The following MAP4K2 variants were observed in gnomAD, a reference collection of about 807,000 sequenced individuals.
MAP4K2 encodes B lymphocyte serine/threonine protein kinase.
In MAP4K2, 85 loss-of-function variants were observed where a neutral mutation model predicts 125.3. The ratio of observed to expected loss-of-function variants is 0.68; its 90% CI spans 0.57 to 0.81. MAP4K2 has a LOEUF of 0.81. Among genes scored for constraint, MAP4K2 ranks in the 40% least tolerant of loss-of-function variants. The pLI, the probability that MAP4K2 is intolerant of heterozygous loss-of-function variation, is 0.00. For missense variants in MAP4K2, 923 were observed against 1,056.4 expected (o/e 0.87, Z 1.75); for synonymous variants, 479 against 445.1 (o/e 1.08, Z -0.96).
chr11:64,802,976 C>T (rs1429794290), intron 1 of MAP4K2, 34 bp from the exon 2 acceptor site: 6 of 1,401,874 alleles, frequency 4.3e-6, no homozygotes, highest in African/African-American at 1.4e-5. Flanking sequence ...GGATGGGGGG[C>T]GGGGCCGGGG....
At chr11:64,797,438 C>G in intron 17 of MAP4K2, 58 bp from the exon 18 acceptor site, 1 of 1,557,110 alleles carries the variant, frequency 6.4e-7, no homozygotes, top group East Asian at 2.4e-5. Context: ...TAACCACATC[C>G]CACTCCAATC....
intron 24 of MAP4K2, among the ~76,000 whole-genome samples, chr11:64,795,424 A>G (rs527565922): frequency 2.3e-4 from 33 of 140,774 alleles, no homozygotes; most frequent in South Asian, 4.6e-4. Flanking sequence ...CTTTTTTGAG[A>G]CAGACTCTTG....
chr11:64,802,232 C>G (rs1224417658), intron 4 of MAP4K2, 111 bp from the exon 5 acceptor site: 2 of 1,130,252 alleles, frequency 1.8e-6, no homozygotes, highest in Non-Finnish European at 2.6e-6. Context: ...GCGGTGTTGG[C>G]CACGTCCCCT....
chr11:64,796,664 C>T lies in MAP4K2; in HGVS notation c.1542G>A (p.Leu514=), dbSNP rs142364018. Residue 514 remains leucine, a synonymous_variant, in exon 22 of 32, where the codon CTG becomes CTA. Coordinates refer to ENST00000294066, the MANE Select transcript of MAP4K2 (RefSeq NM_004579.5). ...CCAGCGTATCCTCATGCAGTTCATG[C>T]AGGTTGAGTGTGTAGATGCCTTCCT... ...GAEEGIYTLN[L]HELHEDTLEK... 5 of 1,613,994 alleles carry T rather than the reference C, an allele frequency of 3.1e-6. No homozygotes were observed. Among genetic ancestry groups the T allele is most frequent in the Admixed American group, 1.7e-5 (1 of 60,014 alleles).
intron 10 of MAP4K2, 127 bp from the exon 11 acceptor site, chr11:64,800,519 C>A: frequency 8.5e-7 from 1 of 1,174,806 alleles, no homozygotes; most frequent in South Asian, 1.4e-5. Context: ...CAGCCGAGGC[C>A]AAGGGCCACT....
At chr11:64,790,528 G>A in intron 27 of MAP4K2, 66 bp from the exon 28 acceptor site, 1 of 1,485,074 alleles carries the variant, frequency 6.7e-7, no homozygotes, top group Admixed American at 1.7e-5. Context: ...AGAGGATACG[G>A]GGGCCAGGCT....
rs1204084431 is a variant in MAP4K2 at position 64,802,602 on chromosome 11, C to G, written c.206G>C (p.Arg69Pro). The G allele has an allele frequency of 1.9e-6, 3 of 1,611,904 alleles. No homozygotes were observed. The South Asian group carries it at 3.3e-5, about 18-fold the overall frequency. ...AATGTAGGCCACCACATTGGGGTGG[C>G]GGCACTCACGCAGGATGGTGATTTC... ...QQEITILRECRHPNVVAYIGS... is the reference protein window; with the variant it reads ...QQEITILRECPHPNVVAYIGS... Residue 69 changes from arginine to proline, a missense_variant, in exon 3 of 32, where the codon CGC becomes CCC. By Grantham distance (103) the Arg-to-Pro change is moderately radical (BLOSUM62 -2). Transcript: ENST00000294066.
rs1393961879 is a variant in MAP4K2, at chr11:64,796,668, T to C, written c.1538A>G (p.Asn513Ser). 1.2e-6 allele frequency: 2 copies of C among 1,614,076 alleles called. No individual in the cohort carries two copies. The highest frequency in any genetic ancestry group is 2.2e-5 in the East Asian group (1 of 44,888). Residue 513 changes from asparagine (N) to serine (S), a missense_variant, in exon 22 of 32, where the codon AAC becomes AGC. By Grantham distance (46) the Asn-to-Ser change is conservative. This residue lies in a region of MAP4K2 where 833 missense variants were observed against 911.4 expected (regional missense o/e 0.91). Transcript: ENST00000294066. ...CGTATCCTCATGCAGTTCATGCAGG[T>C]TGAGTGTGTAGATGCCTTCCTCGGC... Reference protein sequence around the residue: ...VGAEEGIYTLNLHELHEDTLE... With the variant: ...VGAEEGIYTLSLHELHEDTLE...
intron 12 of MAP4K2, 103 bp from the exon 13 acceptor site, chr11:64,799,786 C>A (rs1197480283): frequency 2.3e-6 from 2 of 852,434 alleles, no homozygotes; most frequent in Non-Finnish European, 3.8e-6. Context: ...TTCATGACAG[C>A]CCTCTGGGAC....
At position 64,799,340 on chromosome 11, in the gene MAP4K2, T is replaced by C. The variant is rs1252577240; in HGVS notation, c.1053+81A>G. On this transcript the variant is annotated intron_variant, in intron 14 of 31. Transcript: ENST00000294066. ...AGGCCACCCAGCTTCAAATCTCCCT[T>C]GATTTGAGCTGCTCGGCCTCCATCC... is the stretch of plus-strand genomic sequence containing the variant. The C allele has an allele frequency of 3.3e-6, 5 of 1,532,608 alleles. No homozygotes were observed. The East Asian group carries it at 6.7e-5, about 21-fold the overall frequency. The allele number at this position is 1,532,608 out of a possible 1,614,324, so 94.9% of individuals were successfully genotyped here. A position where few individuals can be genotyped will look rare whatever the true frequency, so the allele number is the denominator to read the frequency against.
rs767886411 is a variant in MAP4K2 at position 64,797,452 on chromosome 11, C to T, written c.1170+49G>A. ...GTAACCACATCCCACTCCAATCGTA[C>T]CCTCTGCAGTGGCCTGGATCCCAGC... is the stretch of plus-strand genomic sequence containing the variant. On this transcript the variant is annotated intron_variant, in intron 17 of 31. Coordinates refer to ENST00000294066, the MANE Select transcript of MAP4K2 (RefSeq NM_004579.5). 14 of 1,557,772 alleles carry T rather than the reference C, an allele frequency of 9.0e-6. No homozygotes were observed. The South Asian group carries it at 1.7e-4, about 18-fold the overall frequency.
At position 64,786,263 on chromosome 11, in the gene MAP4K2, C is replaced by T. The variant is rs1036114683; in HGVS notation, c.*3274G>A. The T allele has an allele frequency of 1.3e-5, 2 of 152,166 alleles. No homozygotes were observed. Among genetic ancestry groups the T allele is most frequent in the African/African-American group, 4.8e-5 (2 of 41,446 alleles). The allele number at this position is 152,166 out of a possible 1,614,324, so 9.4% of individuals were successfully genotyped here. On this transcript the variant is annotated 3_prime_UTR_variant, in exon 32 of 32. Transcript: ENST00000294066. ...CTATGTTATTGCATTATGTCTGTTA[C>T]AGTATTTCTGATCCTCCTGACAGCC...
At chr11:64,799,747 G>A (rs1188356883) in intron 12 of MAP4K2, 64 bp from the exon 13 acceptor site, 6 of 1,360,602 alleles carry the variant, frequency 4.4e-6, no homozygotes, top group Non-Finnish European at 6.3e-6. Context: ...GCTGCTCTAG[G>A]AGCTTCACAC....
intron 10 of MAP4K2, 23 bp downstream of exon 10, chr11:64,800,741 C>T (rs753971784): frequency 9.5e-6 from 15 of 1,586,476 alleles, no homozygotes; most frequent in Non-Finnish European, 1.2e-5. Flanking sequence ...AAGGGGGTCC[C>T]GGCAGCAGGG....
In MAP4K2 at chr11:64,797,340, C is replaced by T. The variant is rs370675343; in HGVS notation, c.1211G>A (p.Arg404Gln). ...SPDDTMGTIKRAPFLGPLPTD... is the reference protein window; with the variant it reads ...SPDDTMGTIKQAPFLGPLPTD... The stretch of plus-strand genomic sequence containing the variant: ...GGGGAGTGGCCCTAGGAACGGGGCC[C>T]GCTTGATGGTTCCCATGGTATCGTC... Residue 404 changes from arginine to glutamine, a missense_variant, in exon 18 of 32, where the codon CGG becomes CAG. This residue lies in a region of MAP4K2 where 833 missense variants were observed against 911.4 expected (regional missense o/e 0.91). Transcript: ENST00000294066. 24 of 1,599,100 alleles carry T rather than the reference C, an allele frequency of 1.5e-5. No individual in the cohort carries two copies. Among genetic ancestry groups the T allele is most frequent in the Middle Eastern group, 1.6e-4 (1 of 6,066 alleles).
chr11:64,790,103 T>A, intron 29 of MAP4K2, 85 bp downstream of exon 29: 1 of 1,555,224 alleles, frequency 6.4e-7, no homozygotes, highest in Non-Finnish European at 8.8e-7. Flanking sequence ...ATCTGCCTCC[T>A]CATCCTACCG....
At chr11:64,794,688 C>T (rs1490435274) in intron 24 of MAP4K2, among the ~76,000 whole-genome samples, 3 of 152,096 alleles carry the variant, frequency 2.0e-5, no homozygotes, top group East Asian at 1.9e-4. Context: ...CTCCCCAGCT[C>T]ACCAGGCTGC....
In MAP4K2 at chr11:64,799,892, G is replaced by A. The variant is rs144285242; in HGVS notation, c.916-209C>T. Among the ~76,000 whole-genome samples, 585 of 152,344 alleles carry A rather than the reference G, an allele frequency of 3.8e-3. 9 individuals are homozygous for A. Among genetic ancestry groups the A allele is most frequent in the African/African-American group, 0.013 (540 of 41,572 alleles). ...CAGAAAGCAAGAAAATGGCACAGTC[G>A]TGGTCATGGTCAGCTTGGACTCAAG... On this transcript the variant is annotated intron_variant, in intron 12 of 31. Coordinates refer to ENST00000294066, the MANE Select transcript of MAP4K2 (RefSeq NM_004579.5).
In MAP4K2 at chr11:64,789,474, CCAAAAG is replaced by C. The variant is rs1415655869; in HGVS notation, c.*57_*62del. 15 of 1,472,514 alleles carry C rather than the reference CCAAAAG, an allele frequency of 1.0e-5. No individual in the cohort carries two copies. Among genetic ancestry groups the C allele is most frequent in the Admixed American group, 2.0e-5 (1 of 50,834 alleles). 91.2% of individuals were successfully genotyped at this position (1,472,514 alleles called of 1,614,324 possible). ...TCTGGTCTAGGATGGGCCCCTTTGC[CCAAAAG>C]GGCCTGCAGCTAAGGCGTGGGGTGG... On this transcript the variant is annotated 3_prime_UTR_variant, in exon 32 of 32. Transcript: ENST00000294066.
Sources: allele counts gnomAD v4.1 joint callset (sites outside exome capture counted in the v4.1 genomes callset), GRCh38; gene constraint gnomAD v4.1.1; regional missense constraint gnomAD v4.1.1; transcripts MANE v1.5; gene names NCBI Gene and HGNC (gene_info 2026-07-23, HGNC 2026-07-21).